The following PCDHA8 variants were observed in gnomAD, a reference collection of about 807,000 sequenced individuals.
PCDHA8 encodes protocadherin alpha-8.
In PCDHA8, 53 loss-of-function variants were observed where a neutral mutation model predicts 61.8. That is an observed-to-expected ratio of 0.86 (90% confidence interval 0.69 to 1.08). The LOEUF (loss-of-function observed/expected upper bound fraction) is 1.08, where lower values mean the gene tolerates loss of function less well. PCDHA8 is among the 50% of genes least tolerant of loss of function. The probability of loss-of-function intolerance (pLI) is 0.00; values close to 1 mark genes in which losing one functional copy is unlikely to be tolerated. For missense variants in PCDHA8, 1,293 were observed against 1,245.0 expected (o/e 1.04, Z -0.58); for synonymous variants, 618 against 556.6 (o/e 1.11, Z -1.55).
At chr5:141,007,459 T>A (rs1323177537) in intron 3 of PCDHA8, among the ~76,000 whole-genome samples, 1 of 149,426 alleles carries the variant, frequency 6.7e-6, no homozygotes, top group Non-Finnish European at 1.5e-5. Context: ...TCCCAGCTAC[T>A]CAGGAGGCTG....
chr5:140,913,107 CA>C (rs2076210472), intron 1 of PCDHA8, among the ~76,000 whole-genome samples: 1 of 152,078 alleles, frequency 6.6e-6, no homozygotes, highest in South Asian at 2.1e-4. Context: ...CTCATAGAAT[CA>C]GTTTGGAAGT....
In PCDHA8 at chr5:141,011,583, A is replaced by G. The variant is rs2098421115; in HGVS notation, c.*1646A>G. On this transcript the variant is annotated 3_prime_UTR_variant, in exon 4 of 4. Transcript: ENST00000531613. ...AGTAAAATTTCTTTCTTAAATCAAG[A>G]TACTGGTGATTCAAGGAATTTTATT... is the stretch of plus-strand genomic sequence containing the variant. 1 of 153,656 alleles carries G rather than the reference A, an allele frequency of 6.5e-6. No individual in the cohort carries two copies. Among genetic ancestry groups the G allele is most frequent in the Admixed American group, 6.6e-5 (1 of 15,258 alleles). The allele number at this position is 153,656 out of a possible 1,614,324, so 9.5% of individuals were successfully genotyped here.
chr5:140,919,509 A>G (rs897648504), intron 1 of PCDHA8, among the ~76,000 whole-genome samples: 1 of 152,052 alleles, frequency 6.6e-6, no homozygotes, highest in Non-Finnish European at 1.5e-5. Context: ...CTTTTTCTAT[A>G]TGTTTTAATT....
At chr5:140,928,506 A>G (rs1554205940) in intron 1 of PCDHA8, 4 of 1,614,090 alleles carry the variant, frequency 2.5e-6, no homozygotes, top group African/African-American at 1.3e-5. Context: ...GAAGTGCAAC[A>G]GTGACTATAA....
intron 1 of PCDHA8, among the ~76,000 whole-genome samples, chr5:140,919,088 T>C (rs2153552205): frequency 6.6e-6 from 1 of 152,378 alleles, no homozygotes; most frequent in South Asian, 2.1e-4. Context: ...TATTGAATTG[T>C]CTATTTCTCC....
At chr5:140,888,972 G>A (rs900678700) in intron 1 of PCDHA8, among the ~76,000 whole-genome samples, 15 of 151,928 alleles carry the variant, frequency 9.9e-5, no homozygotes, top group Non-Finnish European at 4.4e-5. Context: ...TTAATGTGTT[G>A]AATTTATGAT....
intron 1 of PCDHA8, chr5:140,929,043 C>T: frequency 6.2e-7 from 1 of 1,614,196 alleles, no homozygotes; most frequent in South Asian, 1.1e-5. Flanking sequence ...GCGCTCAGAG[C>T]TGCTGTCGCT....
Position 141,011,514 on chromosome 5 carries a change from GT to G in PCDHA8, c.*1584del, listed in dbSNP as rs35545269. 2 of 153,738 alleles carry G rather than the reference GT, an allele frequency of 1.3e-5. No homozygotes were observed. The highest frequency in any genetic ancestry group is 1.9e-4 in the East Asian group (1 of 5,186). The allele number at this position is 153,738 out of a possible 1,614,324, so 9.5% of individuals were successfully genotyped here. ...TACACCTGTGAAAAAGTGGAGTAGTGTTTTTTTAACCATTGTTAATCAGCTT... is the reference window on the plus strand; with the variant it reads ...TACACCTGTGAAAAAGTGGAGTAGTGTTTTTTAACCATTGTTAATCAGCTT... On this transcript the variant is annotated 3_prime_UTR_variant, in exon 4 of 4. Coordinates refer to ENST00000531613, the MANE Select transcript of PCDHA8 (RefSeq NM_018911.3).
intron 1 of PCDHA8, among the ~76,000 whole-genome samples, chr5:140,946,432 A>C (rs1254032204): frequency 6.6e-6 from 1 of 151,682 alleles, no homozygotes; most frequent in Admixed American, 6.6e-5. Context: ...GTTACTCAAA[A>C]ATTGAGACTA....
intron 1 of PCDHA8, chr5:140,848,371 A>T: frequency 8.8e-7 from 1 of 1,131,148 alleles, no homozygotes; most frequent in Non-Finnish European, 1.3e-6. Context: ...AAAGAGGCTC[A>T]ATTCTTTTTC....
intron 1 of PCDHA8, among the ~76,000 whole-genome samples, chr5:140,962,807 C>T (rs1463442901): frequency 5.3e-5 from 8 of 152,220 alleles, no homozygotes; most frequent in Non-Finnish European, 1.0e-4. Flanking sequence ...CAACTCTAAA[C>T]ATCAGAGATG....
chr5:140,938,500 T>C (rs1450018538), intron 1 of PCDHA8, among the ~76,000 whole-genome samples: 2 of 152,156 alleles, frequency 1.3e-5, no homozygotes, highest in Non-Finnish European at 2.9e-5. Context: ...AGGCATTGAA[T>C]TTATCACATA....
At chr5:140,858,342 C>T (rs528199752) in intron 1 of PCDHA8, 5 of 1,594,916 alleles carry the variant, frequency 3.1e-6, no homozygotes, top group East Asian at 2.2e-5. Flanking sequence ...CTGCCCAAGG[C>T]GGACCTCATG....
chr5:140,888,748 T>C (rs782271029), intron 1 of PCDHA8, among the ~76,000 whole-genome samples: 13 of 152,122 alleles, frequency 8.5e-5, no homozygotes, highest in Admixed American at 7.9e-4. Flanking sequence ...GGAATTATTC[T>C]ACCCACTTTT....
chr5:140,883,092 G>C (rs782675726), intron 1 of PCDHA8: 2 of 1,614,108 alleles, frequency 1.2e-6, no homozygotes, highest in Non-Finnish European at 1.7e-6. Flanking sequence ...GGTACAAATG[G>C]AGATATAGTT....
rs1554244455 is a variant in PCDHA8 at position 140,982,542 on chromosome 5, A to G, written c.2521A>G (p.Thr841Ala). The G allele has an allele frequency of 1.9e-6, 3 of 1,614,210 alleles. No homozygotes were observed. The highest frequency in any genetic ancestry group is 2.2e-5 in the East Asian group (1 of 44,888). Residue 841 changes from threonine (T) to alanine (A), a missense_variant, in exon 3 of 4, where the codon ACA becomes GCA. Transcript: ENST00000531613. ...GPGGPDQQWP[T>A]VSSATPEPEA... ...AGGAGGGCCTGATCAGCAGTGGCCA[A>G]CAGTATCCAGTGCAACACCAGGTAA...
rs2150315627 is a variant in PCDHA8, at chr5:140,841,442, C to T, written c.121C>T (p.His41Tyr). The T allele has an allele frequency of 1.9e-6, 3 of 1,613,000 alleles. No homozygotes were observed. The highest frequency in any genetic ancestry group is 2.5e-6 in the Non-Finnish European group (3 of 1,179,880). ...LHYSVPEEAK[H>Y]GTFVGRIAQD... ...CTACTCCGTCCCCGAGGAGGCCAAA[C>T]ACGGCACCTTCGTGGGCCGGATCGC... The change falls in exon 1 of 4, where the codon CAC becomes TAC. Residue 41 changes from histidine (H) to tyrosine (Y), a missense_variant. His to Tyr is a moderately conservative substitution (Grantham distance 83, BLOSUM62 2). Transcript: ENST00000531613.
rs903321831 is a variant in PCDHA8, at chr5:140,926,671, C to A, written c.2395-52278C>A. ...CGGCTCCGCTTTCCCAGACGGCTGC[C>A]CAGCCTCCAGCCTAGCAAGCCCGGC... On this transcript the variant is annotated intron_variant, in intron 1 of 3. Coordinates refer to ENST00000531613, the MANE Select transcript of PCDHA8 (RefSeq NM_018911.3). The A allele has an allele frequency of 3.5e-5, 20 of 579,422 alleles. No homozygotes were observed. The South Asian group carries it at 7.5e-4, about 22-fold the overall frequency. 35.9% of individuals were successfully genotyped at this position (579,422 alleles called of 1,614,324 possible).
chr5:140,870,972 G>A, intron 1 of PCDHA8: 2 of 1,613,640 alleles, frequency 1.2e-6, no homozygotes, highest in Non-Finnish European at 1.7e-6. Flanking sequence ...CGTTCCGCGT[G>A]GGGCTGTACA....
Sources: gnomAD v4.1 joint callset for allele counts (sites outside exome capture counted in the v4.1 genomes callset) on GRCh38, gnomAD v4.1.1 for gene constraint, MANE v1.5 for transcripts, NCBI Gene and HGNC (gene_info 2026-07-23, HGNC 2026-07-21) for gene names.